Variants in ARMH3 observed in about 807,000 individuals in gnomAD.
The protein encoded by ARMH3 is armadillo like helical domain containing 3.
Under a neutral mutation model 99.1 loss-of-function variants are expected in ARMH3, and 60 were observed. That is an observed-to-expected ratio of 0.61 (90% CI 0.49 to 0.75). ARMH3 has a LOEUF of 0.75. Among genes scored for constraint, ARMH3 ranks in the 30% least tolerant of loss-of-function variants. The probability of loss-of-function intolerance (pLI) is 0.00; values close to 1 mark genes in which losing one functional copy is unlikely to be tolerated. For synonymous variants in ARMH3, 285 were observed against 292.8 expected (o/e 0.97, Z 0.27); for missense variants, 679 against 843.1 (o/e 0.81, Z 2.41).
At chr10:102,032,819 A>C in intron 4 of ARMH3, 1 of 531,452 alleles carries the variant, frequency 1.9e-6, no homozygotes, top group Non-Finnish European at 3.2e-6. Flanking sequence ...AGATCAAATT[A>C]TACAAATGGA....
At position 102,040,066 on chromosome 10, in the gene ARMH3, A is replaced by C. The variant is rs1349889962; in HGVS notation, c.49T>G (p.Ser17Ala). The change falls in exon 2 of 26, where the codon TCC (serine) becomes GCC (alanine). Residue 17 changes from serine (S) to alanine (A), a missense_variant. Physicochemically the swap from Ser to Ala is moderately conservative, Grantham distance 99. Coordinates refer to ENST00000370033, the MANE Select transcript of ARMH3 (RefSeq NM_024541.3). Reference sequence around the variant, plus strand: ...ACTTTTTCCTTCAGTGGTTTTTTGGAGGCTGAAGATTTCCGGAGCAAACCT... The same window carrying C: ...ACTTTTTCCTTCAGTGGTTTTTTGGCGGCTGAAGATTTCCGGAGCAAACCT... ...RGGLLRKSSA[S>A]KKPLKEKVVL... 1 of 1,614,194 alleles carries C rather than the reference A, an allele frequency of 6.2e-7. No homozygotes were observed. The highest frequency in any genetic ancestry group is 8.5e-7 in the Non-Finnish European group (1 of 1,180,020).
chr10:102,025,876 T>C (rs1035469376), intron 5 of ARMH3, among the ~76,000 whole-genome samples: 1 of 152,166 alleles, frequency 6.6e-6, no homozygotes, highest in African/African-American at 2.4e-5. Context: ...GGTCTCGAAC[T>C]CCTGGGCTCA....
At chr10:101,975,391 G>T in intron 19 of ARMH3, 91 bp from the exon 20 acceptor site, 1 of 956,376 alleles carries the variant, frequency 1.0e-6, no homozygotes, top group Non-Finnish European at 1.7e-6. Context: ...CTTTGCTAAG[G>T]CCACTAAAGA....
intron 13 of ARMH3, among the ~76,000 whole-genome samples, chr10:102,009,150 CA>C (rs1352462739): frequency 5.9e-5 from 9 of 151,880 alleles, no homozygotes; most frequent in African/African-American, 2.2e-4. Flanking sequence ...ATAAATTGGC[CA>C]AAAAAACTAA....
chr10:101,945,278 T>C (rs556106173), intron 22 of ARMH3, among the ~76,000 whole-genome samples: 3 of 152,302 alleles, frequency 2.0e-5, no homozygotes, highest in Non-Finnish European at 4.4e-5. Context: ...AATCCTCATC[T>C]TTCTGGAGAA....
At chr10:102,010,586 G>A (rs1336815328) in intron 11 of ARMH3, among the ~76,000 whole-genome samples, 1 of 152,134 alleles carries the variant, frequency 6.6e-6, no homozygotes, top group Admixed American at 6.6e-5. Flanking sequence ...TAAGTAAATG[G>A]AGTAGGCTGC....
chr10:101,975,049 TAAAAAAAAAA>T (rs11399489), intron 20 of ARMH3, among the ~76,000 whole-genome samples, 153 bp downstream of exon 20: 1 of 29,668 alleles, frequency 3.4e-5, no homozygotes, highest in Non-Finnish European at 6.0e-5. Flanking sequence ...AGCTAAAACG[TAAAAAAAAAA>T]AAAAAAAAAA....
At chr10:101,899,125 T>TA (rs994503094) in intron 23 of ARMH3, among the ~76,000 whole-genome samples, 8 of 152,238 alleles carry the variant, frequency 5.3e-5, no homozygotes, top group African/African-American at 1.9e-4. Flanking sequence ...CTCTGAGTAG[T>TA]AGTTTCTTTG....
chr10:101,859,348 A>G (rs1200113505), intron 24 of ARMH3, among the ~76,000 whole-genome samples: 3 of 152,264 alleles, frequency 2.0e-5, no homozygotes, highest in Non-Finnish European at 4.4e-5. Context: ...CTGAGACAGC[A>G]GCTGCAGGAA....
intron 23 of ARMH3, among the ~76,000 whole-genome samples, chr10:101,938,059 G>A (rs1464076039): frequency 2.6e-5 from 4 of 151,952 alleles, no homozygotes; most frequent in Non-Finnish European, 5.9e-5. Flanking sequence ...TTTAGAGACA[G>A]GGTCTCACTA....
intron 23 of ARMH3, among the ~76,000 whole-genome samples, chr10:101,912,392 A>C (rs993200556): frequency 6.5e-5 from 1 of 15,456 alleles, no homozygotes; most frequent in Non-Finnish European, 1.0e-4. Flanking sequence ...ACTCTGTCTC[A>C]AAAAAAAAAA....
intron 20 of ARMH3, among the ~76,000 whole-genome samples, chr10:101,969,896 C>A (rs775136128): frequency 5.5e-4 from 84 of 152,134 alleles, no homozygotes; most frequent in Non-Finnish European, 8.8e-4. Flanking sequence ...CCTTCCCCAA[C>A]AAATGGGGAT....
Position 102,051,959 on chromosome 10 carries a change from A to G in ARMH3, c.-12+4126T>C, listed in dbSNP as rs546173714. Among the ~76,000 whole-genome samples the G allele has an allele frequency of 2.6e-5, 4 of 152,236 alleles. No individual in the cohort carries two copies. The East Asian group carries it at 7.7e-4, about 29-fold the overall frequency. ...CTTCCGAAGGGGGAACCAGCTCCAA[A>G]TTGACAGTATTTCAGGAAATTCTGA... On this transcript the variant is annotated intron_variant, in intron 1 of 25. Coordinates refer to ENST00000370033, the MANE Select transcript of ARMH3 (RefSeq NM_024541.3).
At chr10:102,028,238 T>C (rs2067043953) in intron 5 of ARMH3, among the ~76,000 whole-genome samples, 1 of 152,146 alleles carries the variant, frequency 6.6e-6, no homozygotes, top group African/African-American at 2.4e-5. Context: ...CCTAGGTATA[T>C]GCCCAAGAGA....
chr10:101,998,924 G>T (rs1298822489), intron 15 of ARMH3, among the ~76,000 whole-genome samples: 1 of 152,120 alleles, frequency 6.6e-6, no homozygotes, highest in Non-Finnish European at 1.5e-5. Flanking sequence ...AGTGGAAATG[G>T]TTTTTTTGTT....
intron 22 of ARMH3, among the ~76,000 whole-genome samples, chr10:101,953,710 CAAA>C (rs950885439): frequency 6.6e-6 from 1 of 151,724 alleles, no homozygotes; most frequent in Non-Finnish European, 1.5e-5. Context: ...ACAACAACAA[CAAA>C]AAAGTGGAGA....
At chr10:102,027,685 G>C (rs2067030793) in intron 5 of ARMH3, among the ~76,000 whole-genome samples, 1 of 152,010 alleles carries the variant, frequency 6.6e-6, no homozygotes, top group Non-Finnish European at 1.5e-5. Context: ...ACAAGCAGTA[G>C]TTAGAATTAT....
chr10:101,861,877 C>CAAAAAAAAAAA (rs36095929), intron 24 of ARMH3, among the ~76,000 whole-genome samples: 1 of 94,008 alleles, frequency 1.1e-5, no homozygotes, highest in Non-Finnish European at 2.1e-5. Flanking sequence ...CTAAAAATAC[C>CAAAAAAAAAAA]AAAAAAAAAA....
intron 23 of ARMH3, among the ~76,000 whole-genome samples, chr10:101,925,982 G>A (rs954656560): frequency 6.6e-6 from 1 of 152,140 alleles, no homozygotes; most frequent in East Asian, 1.9e-4. Flanking sequence ...GTTTCTCTAA[G>A]TATTCAAACA....
Sources: allele counts gnomAD v4.1 joint callset (sites outside exome capture counted in the v4.1 genomes callset), GRCh38; gene constraint gnomAD v4.1.1; transcripts MANE v1.5; gene names NCBI Gene and HGNC (gene_info 2026-07-23, HGNC 2026-07-21).